The following MAPK8IP3 variants were observed in gnomAD, a reference collection of about 807,000 sequenced individuals.
MAPK8IP3 encodes C-Jun-amino-terminal kinase-interacting protein 3.
A neutral mutation model predicts 157.8 loss-of-function variants in MAPK8IP3; 49 were observed. The observed-to-expected ratio is 0.31, with a 90% CI of 0.25 to 0.39. The LOEUF (loss-of-function observed/expected upper bound fraction) is 0.39. Ranked by LOEUF, MAPK8IP3 falls within the 10% of genes least tolerant of loss-of-function variation. The pLI, the probability that MAPK8IP3 is intolerant of heterozygous loss-of-function variation, is 1.00. For synonymous variants in MAPK8IP3, 897 were observed against 777.7 expected, an observed-to-expected ratio of 1.15 and a Z score of -2.55; for missense variants, 1,478 against 1,889.4, an observed-to-expected ratio of 0.78 and a Z score of 4.04.
At chr16:1,739,053 AG>A (rs2040375439) in intron 4 of MAPK8IP3, among the ~76,000 whole-genome samples, 1 of 108,296 alleles carries the variant, frequency 9.2e-6, no homozygotes, top group African/African-American at 3.8e-5. Context: ...CGTCCGTGTG[AG>A]CGTGTGAGCG....
At chr16:1,737,085 C>T (rs1296247942) in intron 4 of MAPK8IP3, among the ~76,000 whole-genome samples, 3 of 58,106 alleles carry the variant, frequency 5.2e-5, no homozygotes, top group East Asian at 6.7e-4. Flanking sequence ...TGTGACCGTC[C>T]GTGTGAGTGT....
At chr16:1,714,339 G>C (rs1186569346) in intron 1 of MAPK8IP3, 1 of 146,002 alleles carries the variant, frequency 6.8e-6, no homozygotes, top group Non-Finnish European at 1.5e-5. Flanking sequence ...GCTTATGAGG[G>C]GGGTGCGTCT....
Position 1,751,265 on chromosome 16 carries a change from G to C in MAPK8IP3, c.1216+2545G>C, listed in dbSNP as rs2041273563. Among the ~76,000 whole-genome samples the C allele has an allele frequency of 6.6e-6, 1 of 152,080 alleles. No individual in the cohort carries two copies. Among genetic ancestry groups the C allele is most frequent in the Non-Finnish European group, 1.5e-5 (1 of 68,034 alleles). On this transcript the variant is annotated intron_variant, in intron 8 of 31. Transcript: ENST00000610761. This position sits in a 1 kb window ranked among gnomAD's most constrained non-coding sequence, Gnocchi z 5.0. Reference sequence around the variant, plus strand: ...GAAGTCAGGAGTTTGAGACCAGCCTGGCCAACATGGTGAAACCCATCTCTA... The same window carrying C: ...GAAGTCAGGAGTTTGAGACCAGCCTCGCCAACATGGTGAAACCCATCTCTA...
At position 1,751,882 on chromosome 16, in the gene MAPK8IP3, C is replaced by G. The variant is rs540852929; in HGVS notation, c.1216+3162C>G. ...GCTGCAGCGTGTCAGTGCCTCCTGG[C>G]TTTTCACTGCTGAGTAGTGCCCGTT... On this transcript the variant is annotated intron_variant, in intron 8 of 31. Coordinates refer to ENST00000610761, the MANE Select transcript of MAPK8IP3 (RefSeq NM_001318852.2). This position sits in a 1 kb window ranked among gnomAD's most constrained non-coding sequence, Gnocchi z 5.0. The G allele has an allele frequency of 6.6e-6, 1 of 152,454 alleles. No individual in the cohort carries two copies. Among genetic ancestry groups the G allele is most frequent in the African/African-American group, 2.4e-5 (1 of 41,588 alleles). The allele number at this position is 152,454 out of a possible 1,614,324, so 9.4% of individuals were successfully genotyped here. A position where few individuals can be genotyped will look rare whatever the true frequency, so the allele number is the denominator to read the frequency against.
chr16:1,754,882 C>T (rs1034443202), intron 8 of MAPK8IP3, among the ~76,000 whole-genome samples: 9 of 152,200 alleles, frequency 5.9e-5, no homozygotes, highest in African/African-American at 1.2e-4. Flanking sequence ...GGTGTTGCCA[C>T]GTGCCCGGAC....
Position 1,762,341 on chromosome 16 carries a change from C to A in MAPK8IP3, c.1540-10C>A. On this transcript the variant is annotated splice_polypyrimidine_tract_variant and intron_variant, in intron 13 of 31. Transcript: ENST00000610761. ...GGGCTGGCTGAGCCTCTGTGCCCCT[C>A]CCTCCGCAGGACAAAATCCCCATGG... 1 of 1,564,652 alleles carries A rather than the reference C, an allele frequency of 6.4e-7. No individual in the cohort carries two copies.
chr16:1,755,850 C>G (rs1025719531), intron 8 of MAPK8IP3, among the ~76,000 whole-genome samples: 3 of 69,272 alleles, frequency 4.3e-5, no homozygotes, highest in Non-Finnish European at 1.0e-4. Context: ...GAGTCTTTCT[C>G]AAAAAAAAAA....
chr16:1,716,891 T>C (rs2038186672), intron 1 of MAPK8IP3, among the ~76,000 whole-genome samples: 3 of 151,728 alleles, frequency 2.0e-5, no homozygotes, highest in South Asian at 2.1e-4. Flanking sequence ...AGTCCCATCT[T>C]TACTAAAAAT....
chr16:1,767,435 A>G (rs2042338509), intron 26 of MAPK8IP3, 129 bp from the exon 27 acceptor site: 21 of 1,498,136 alleles, frequency 1.4e-5, no homozygotes, highest in Non-Finnish European at 1.6e-5. Context: ...AGGCTCGAAC[A>G]GGCGCAAAGC....
rs1200536947 is a variant in MAPK8IP3, at chr16:1,737,442, G to A, written c.603-5890G>A. On this transcript the variant is annotated intron_variant, in intron 4 of 31. Transcript: ENST00000610761. ...TGAGCGTCCGTGTGAGTGTGTGAGC[G>A]TCCGTGTGAGTGTGACCACCCATGT... Among the ~76,000 whole-genome samples the A allele has an allele frequency of 1.5e-4, 15 of 97,060 alleles. 1 individual carries two copies. Among genetic ancestry groups the A allele is most frequent in the African/African-American group, 4.5e-4 (11 of 24,458 alleles). 63.7% of individuals were successfully genotyped at this position (97,060 alleles called of 152,430 possible).
intron 17 of MAPK8IP3, 44 bp downstream of exon 17, chr16:1,763,827 C>G (rs2042094574): frequency 8.7e-5 from 14 of 161,050 alleles, no homozygotes; most frequent in East Asian, 1.9e-4. Flanking sequence ...CCCGCAGAGG[C>G]GGGGCGGGGG....
intron 4 of MAPK8IP3, among the ~76,000 whole-genome samples, chr16:1,734,535 G>T (rs1034688706): frequency 6.6e-6 from 1 of 152,362 alleles, no homozygotes; most frequent in Non-Finnish European, 1.5e-5. Context: ...TGCCTCTGAA[G>T]GCATGAGCCA....
At chr16:1,763,125 C>T in intron 16 of MAPK8IP3, 119 bp downstream of exon 16, 1 of 1,357,638 alleles carries the variant, frequency 7.4e-7, no homozygotes, top group East Asian at 2.4e-5. Context: ...CCTTGCTGGC[C>T]ACATGCCAGG....
rs953956324 is a variant in MAPK8IP3, at chr16:1,751,110, G to A, written c.1216+2390G>A. ...AGCACTGACGGGCACGGCCACCGTC[G>A]GTCCTTACTGCAGCATCAAGCCGCC... On this transcript the variant is annotated intron_variant, in intron 8 of 31. Coordinates refer to ENST00000610761, the MANE Select transcript of MAPK8IP3 (RefSeq NM_001318852.2). The surrounding 1 kb of genome is among the most constrained non-coding windows in gnomAD (Gnocchi z 5.0). Among the ~76,000 whole-genome samples, 9 of 152,242 alleles carry A rather than the reference G, an allele frequency of 5.9e-5. No homozygotes were observed. The highest frequency in any genetic ancestry group is 1.2e-4 in the African/African-American group (5 of 41,554).
At chr16:1,715,381 G>T (rs1340523070) in intron 1 of MAPK8IP3, among the ~76,000 whole-genome samples, 1 of 152,144 alleles carries the variant, frequency 6.6e-6, no homozygotes, top group African/African-American at 2.4e-5. Flanking sequence ...GACCTAGGTG[G>T]CCAGGCAATT....
chr16:1,759,909 T>C, intron 10 of MAPK8IP3, 49 bp from the exon 11 acceptor site: 3 of 1,544,784 alleles, frequency 1.9e-6, no homozygotes, highest in Non-Finnish European at 2.7e-6. Flanking sequence ...GCGGCATCAG[T>C]GACCTGTTTT....
chr16:1,729,967 G>A (rs1005652780), intron 4 of MAPK8IP3, among the ~76,000 whole-genome samples: 3 of 150,184 alleles, frequency 2.0e-5, no homozygotes, highest in African/African-American at 5.0e-5. Context: ...CTAGAACTTT[G>A]GGAGGCCAAG....
chr16:1,768,969 C>T lies in MAPK8IP3; in HGVS notation c.*145C>T, dbSNP rs1267219293. ...TTTCACCTGAGTCTGGCCCCTCCAG[C>T]GGGCAGGGAGTGCGGGGATGCGGAT... On this transcript the variant is annotated 3_prime_UTR_variant, in exon 32 of 32. Coordinates refer to ENST00000610761, the MANE Select transcript of MAPK8IP3 (RefSeq NM_001318852.2). The T allele has an allele frequency of 3.7e-5, 35 of 953,294 alleles. No homozygotes were observed. The highest frequency in any genetic ancestry group is 9.7e-5 in the South Asian group (6 of 61,884). 59.1% of individuals were successfully genotyped at this position (953,294 alleles called of 1,614,324 possible).
chr16:1,755,449 G>C (rs776716170), intron 8 of MAPK8IP3, among the ~76,000 whole-genome samples: 2 of 152,150 alleles, frequency 1.3e-5, no homozygotes, highest in African/African-American at 4.8e-5. Context: ...CTTGAGCCTG[G>C]GAGTTCAAGG....
Sources: allele counts gnomAD v4.1 joint callset (sites outside exome capture counted in the v4.1 genomes callset), GRCh38; gene constraint gnomAD v4.1.1; non-coding constraint Gnocchi (gnomAD v3.1); transcripts MANE v1.5; gene names NCBI Gene and HGNC (gene_info 2026-07-23, HGNC 2026-07-21).